PARVB: variants seen among roughly 807,000 people sequenced by gnomAD.
The protein encoded by PARVB is parvin beta, also known as beta-parvin.
PARVB carries 46 observed loss-of-function variants against 47.0 expected under a neutral mutation model. The observed-to-expected ratio is 0.98, with a 90% confidence interval of 0.77 to 1.25. PARVB has a LOEUF of 1.25. PARVB is among the 50% of genes most tolerant of loss of function. The probability of loss-of-function intolerance (pLI) is 0.00; values close to 1 mark genes in which losing one functional copy is unlikely to be tolerated. For synonymous variants in PARVB, 196 were observed against 196.3 expected, an observed-to-expected ratio of 1.00 and a Z score of 0.01; for missense variants, 473 against 471.6, an observed-to-expected ratio of 1.00 and a Z score of -0.03.
At chr22:44,000,513 A>T (rs537753348) in intron 2 of PARVB, among the ~76,000 whole-genome samples, 2 of 152,354 alleles carry the variant, frequency 1.3e-5, no homozygotes, top group South Asian at 4.1e-4. Context: ...GTGGTGGCTC[A>T]CGCCTGTAAA....
At chr22:44,160,647 G>A (rs2054031611) in intron 11 of PARVB, among the ~76,000 whole-genome samples, 5 of 152,166 alleles carry the variant, frequency 3.3e-5, no homozygotes, top group Admixed American at 3.3e-4. Context: ...GGGGGAGGAG[G>A]CATGGCCTTG....
At chr22:44,022,630 C>G (rs1432710675), upstream of PARVB, among the ~76,000 whole-genome samples, 1 of 152,150 alleles carries the variant, frequency 6.6e-6, no homozygotes, top group Non-Finnish European at 1.5e-5. Flanking sequence ...CCATCTCAAC[C>G]CACACACCCA....
chr22:44,146,293 T>TCA (rs5845636), intron 8 of PARVB: 46,368 of 137,854 alleles, frequency 0.34, 6,513 homozygotes, highest in East Asian at 0.61. Context: ...ACACACAACC[T>TCA]CACACGCACA....
intron 1 of PARVB, among the ~76,000 whole-genome samples, chr22:44,035,797 C>CTTT (rs879538236): frequency 1.4e-5 from 2 of 142,942 alleles, no homozygotes; most frequent in African/African-American, 5.1e-5. Flanking sequence ...AAACAGATCA[C>CTTT]TTTTTTTTTT....
chr22:44,051,322 G>A (rs192763306), intron 1 of PARVB, among the ~76,000 whole-genome samples: 44 of 152,308 alleles, frequency 2.9e-4, no homozygotes, highest in Admixed American at 1.2e-3. Context: ...GTTTGTAGGC[G>A]CTGGGGGGAT....
At position 44,136,530 on chromosome 22, in the gene PARVB, CCT is replaced by C. The variant is rs1257749681; in HGVS notation, c.692+13_692+14del. The C allele has an allele frequency of 6.2e-7, 1 of 1,611,738 alleles. No homozygotes were observed. The highest frequency in any genetic ancestry group is 1.1e-5 in the South Asian group (1 of 91,022). ...ACCACAACTACAGAGTAAGTGGACCCCTGTCTTGCCCTTCCAGGCCCTGCTGC... is the reference window on the plus strand; with the variant it reads ...ACCACAACTACAGAGTAAGTGGACCCGTCTTGCCCTTCCAGGCCCTGCTGC... On this transcript the variant is annotated intron_variant, in intron 7 of 12. Transcript: ENST00000338758.
chr22:44,024,222 A>AGGGGCG (rs1443881944), upstream of PARVB: 11 of 368,184 alleles, frequency 3.0e-5, no homozygotes, highest in Non-Finnish European at 2.2e-5. Flanking sequence ...GCTCCAGGCC[A>AGGGGCG]GGGGCGGGGG....
Position 44,155,005 on chromosome 22 carries a change from G to T in PARVB, c.844-2977G>T, listed in dbSNP as rs111679136. ...GTGTGTGGTTTTTGTAGTCTGTGTG[G>T]TGTGTGTGTGTGGTTTTTGTAGTCT... is the stretch of plus-strand genomic sequence containing the variant. On this transcript the variant is annotated intron_variant, in intron 10 of 12. Coordinates refer to ENST00000338758, the MANE Select transcript of PARVB (RefSeq NM_013327.5). The surrounding 1 kb of genome is among the most constrained non-coding windows in gnomAD (Gnocchi z 4.8). 7.4e-4 allele frequency among the ~76,000 whole-genome samples: 79 copies of T among 106,134 alleles called. No homozygotes were observed. Among genetic ancestry groups the T allele is most frequent in the African/African-American group, 3.3e-3 (71 of 21,818 alleles). 69.6% of individuals were successfully genotyped at this position (106,134 alleles called of 152,430 possible). A position where few individuals can be genotyped will look rare whatever the true frequency, so the allele number is the denominator to read the frequency against.
At chr22:44,079,284 G>A (rs940262519) in intron 1 of PARVB, among the ~76,000 whole-genome samples, 15 of 152,188 alleles carry the variant, frequency 9.9e-5, no homozygotes, top group Non-Finnish European at 1.8e-4. Context: ...AGAAGAGCTA[G>A]TGCACCATCC....
In PARVB at chr22:44,119,519, ATGTGT is replaced by A. The variant is rs1474126879; in HGVS notation, c.376+380_376+384del. Among the ~76,000 whole-genome samples, 3 of 152,176 alleles carry A rather than the reference ATGTGT, an allele frequency of 2.0e-5. No individual in the cohort carries two copies. The East Asian group carries it at 5.8e-4, about 29-fold the overall frequency. ...GTCTGCAGCAATATTCTGTGAGTGAATGTGTCACCAAATACATGATAGCTCATGTT... is the reference window on the plus strand; with the variant it reads ...GTCTGCAGCAATATTCTGTGAGTGAACACCAAATACATGATAGCTCATGTT... On this transcript the variant is annotated intron_variant, in intron 4 of 12. Coordinates refer to ENST00000338758, the MANE Select transcript of PARVB (RefSeq NM_013327.5).
At chr22:44,116,762 G>A (rs1366793708) in intron 3 of PARVB, among the ~76,000 whole-genome samples, 1 of 152,280 alleles carries the variant, frequency 6.6e-6, no homozygotes, top group Admixed American at 6.5e-5. Context: ...TGCCTGGAGG[G>A]CTGGGGTGGT....
At chr22:44,027,725 C>T (rs771021324) in intron 1 of PARVB, among the ~76,000 whole-genome samples, 2 of 151,890 alleles carry the variant, frequency 1.3e-5, no homozygotes, top group African/African-American at 2.4e-5. Context: ...TGGTGAAACC[C>T]CATCTCCAGT....
chr22:44,023,282 A>G (rs1330731162), upstream of PARVB, among the ~76,000 whole-genome samples: 1 of 151,664 alleles, frequency 6.6e-6, no homozygotes, highest in Non-Finnish European at 1.5e-5. Flanking sequence ...AGGCCGAGGC[A>G]GGCGGATCAC....
chr22:44,116,596 G>A (rs1253407565), intron 3 of PARVB, among the ~76,000 whole-genome samples: 4 of 152,226 alleles, frequency 2.6e-5, no homozygotes, highest in Non-Finnish European at 2.9e-5. Flanking sequence ...GCAAGTGCTG[G>A]TGCTGCGGAC....
At chr22:44,117,949 G>A (rs761165) in intron 3 of PARVB, among the ~76,000 whole-genome samples, 56,010 of 152,092 alleles carry the variant, frequency 0.37, 10,546 homozygotes, top group Middle Eastern at 0.51. Flanking sequence ...TGTGTTTGGC[G>A]GGAGTCCTGT....
rs2053923180 is a variant in PARVB, at chr22:44,155,948, C to G, written c.844-2034C>G. On this transcript the variant is annotated intron_variant, in intron 10 of 12. Transcript: ENST00000338758. The surrounding 1 kb of genome is among the most constrained non-coding windows in gnomAD (Gnocchi z 4.8). ...TGGGTGGATCATGAGGTCAGGAGTT[C>G]AAGACCAGCCTGACCAACATGGTGA... 6.6e-6 allele frequency among the ~76,000 whole-genome samples: 1 copy of G among 152,074 alleles called. No homozygotes were observed. The highest frequency in any genetic ancestry group is 6.5e-5 in the Admixed American group (1 of 15,280).
At chr22:44,168,047 C>T (rs2054207553) in intron 12 of PARVB, 2 of 156,480 alleles carry the variant, frequency 1.3e-5, no homozygotes, top group Non-Finnish European at 1.4e-5. Context: ...CACAGGGAGT[C>T]AGGACTCCAA....
intron 4 of PARVB, among the ~76,000 whole-genome samples, chr22:44,123,664 C>T (rs1312890435): frequency 6.6e-6 from 1 of 152,188 alleles, no homozygotes; most frequent in East Asian, 1.9e-4. Flanking sequence ...ATCCACCCAC[C>T]TCAGCCTCCC....
chr22:44,082,470 G>C (rs1283939155), intron 1 of PARVB, among the ~76,000 whole-genome samples: 1 of 152,176 alleles, frequency 6.6e-6, no homozygotes, highest in African/African-American at 2.4e-5. Context: ...AGTGAGCCAA[G>C]ATCGAGCCAC....
Sources: allele counts gnomAD v4.1 joint callset (sites outside exome capture counted in the v4.1 genomes callset), GRCh38; gene constraint gnomAD v4.1.1; non-coding constraint Gnocchi (gnomAD v3.1); transcripts MANE v1.5; gene names NCBI Gene and HGNC (gene_info 2026-07-23, HGNC 2026-07-21).